PAPPA: variants seen among roughly 807,000 people sequenced by gnomAD.
PAPPA encodes pappalysin-1.
PAPPA carries 60 observed loss-of-function variants against 164.0 expected under a neutral mutation model. The ratio of observed to expected loss-of-function variants is 0.37; its 90% confidence interval spans 0.30 to 0.45. The LOEUF is 0.45. Ranked by LOEUF, PAPPA falls within the 20% of genes least tolerant of loss-of-function variation. PAPPA has a pLI of 1.00. For synonymous variants in PAPPA, 875 were observed against 814.1 expected, an observed-to-expected ratio of 1.07 and a Z score of -1.27; for missense variants, 1,782 against 2,087.3, an observed-to-expected ratio of 0.85 and a Z score of 2.85.
Position 116,314,328 on chromosome 9 carries a change from C to G in PAPPA, c.3147+11378C>G, listed in dbSNP as rs547966899. ...TCGTGATCCACCTGCCTCAGCCTCC[C>G]AAAGTGCTGGGATTACAGGTGTGAG... On this transcript the variant is annotated intron_variant, in intron 10 of 21. Coordinates refer to ENST00000328252, the MANE Select transcript of PAPPA (RefSeq NM_002581.5). Among the ~76,000 whole-genome samples the G allele has an allele frequency of 4.9e-4, 75 of 152,146 alleles. 1 individual carries two copies. In the South Asian group the frequency reaches 0.013, roughly 26 times the overall value.
chr9:116,270,313 C>T (rs1845121739), intron 8 of PAPPA, among the ~76,000 whole-genome samples: 1 of 152,202 alleles, frequency 6.6e-6, no homozygotes, highest in African/African-American at 2.4e-5. Context: ...ATGGATTTTT[C>T]TGCAATGATG....
At position 116,213,996 on chromosome 9, in the gene PAPPA, C is replaced by T. The variant is rs370826765; in HGVS notation, c.1918+2064C>T. 6.6e-5 allele frequency among the ~76,000 whole-genome samples: 10 copies of T among 152,254 alleles called. No homozygotes were observed. In the East Asian group the frequency reaches 9.7e-4, roughly 15 times the overall value. ...AGACATTGCTGGGTCAACTTCTTCT[C>T]GTTGCTTTATCTTCCTGGGTGCTTC... is the stretch of plus-strand genomic sequence containing the variant. On this transcript the variant is annotated intron_variant, in intron 4 of 21. Transcript: ENST00000328252.
At chr9:116,321,031 T>C in intron 10 of PAPPA, among the ~76,000 whole-genome samples, 1 of 138,908 alleles carries the variant, frequency 7.2e-6, no homozygotes, top group Admixed American at 7.1e-5. Context: ...TTGTTATACA[T>C]TTTTTTTTTT....
chr9:116,248,681 A>G (rs759337765), intron 7 of PAPPA, among the ~76,000 whole-genome samples: 6 of 152,120 alleles, frequency 3.9e-5, no homozygotes, highest in Non-Finnish European at 7.3e-5. Context: ...TGACACTGAG[A>G]TATTAGAGGT....
chr9:116,255,913 G>A lies in PAPPA; in HGVS notation c.2733-9944G>A, dbSNP rs546234222. Among the ~76,000 whole-genome samples, 40 of 151,524 alleles carry A rather than the reference G, an allele frequency of 2.6e-4. No homozygotes were observed. In the South Asian group the frequency reaches 8.0e-3, roughly 30 times the overall value. On this transcript the variant is annotated intron_variant, in intron 7 of 21. Coordinates refer to ENST00000328252, the MANE Select transcript of PAPPA (RefSeq NM_002581.5). Reference sequence around the variant, plus strand: ...ACTATCTTTGCCTAGGATCTAAGTGGAAATTTATAACCATTGTCTTATACC... The same window carrying A: ...ACTATCTTTGCCTAGGATCTAAGTGAAAATTTATAACCATTGTCTTATACC...
In PAPPA at chr9:116,235,293, G is replaced by C. The variant is rs376845144; in HGVS notation, c.2388G>C (p.Leu796=). ...TCTACCCCTTGGTCCCTGAGTCTCT[G>C]ACCATTTGGGTGACCTTTGTCTCCA... ...EFLYPLVPES[L]TIWVTFVSTD... is the part of the protein sequence containing the mutation. The change falls in exon 7 of 22, where the codon CTG becomes CTC. Residue 796 remains leucine, a synonymous_variant. Transcript: ENST00000328252. 83 of 1,614,098 alleles carry C rather than the reference G, an allele frequency of 5.1e-5. No homozygotes were observed. In the African/African-American group the frequency reaches 1.1e-3, roughly 20 times the overall value.
In PAPPA at chr9:116,398,677, T is replaced by C. The variant is rs755039680; in HGVS notation, c.*2061T>C. On this transcript the variant is annotated 3_prime_UTR_variant, in exon 22 of 22. Coordinates refer to ENST00000328252, the MANE Select transcript of PAPPA (RefSeq NM_002581.5). ...ACGGATGCAGTGCTGAGATAGTTTA[T>C]GAGACTTGTACCATTTCACAAACTC... The C allele has an allele frequency of 1.7e-5, 9 of 523,576 alleles. No individual in the cohort carries two copies. Among genetic ancestry groups the C allele is most frequent in the Non-Finnish European group, 2.4e-5 (7 of 288,690 alleles). 32.4% of individuals were successfully genotyped at this position (523,576 alleles called of 1,614,324 possible).
chr9:116,220,959 T>A (rs551379253), intron 5 of PAPPA, among the ~76,000 whole-genome samples: 1 of 140,104 alleles, frequency 7.1e-6, no homozygotes, highest in African/African-American at 2.7e-5. Context: ...GTTTTTTTTT[T>A]TTATTTTGTA....
chr9:116,267,044 A>G (rs1329095977), intron 8 of PAPPA, among the ~76,000 whole-genome samples: 1 of 152,198 alleles, frequency 6.6e-6, no homozygotes, highest in Non-Finnish European at 1.5e-5. Flanking sequence ...TGCAATTACT[A>G]TTTCTATAAG....
At chr9:116,334,186 C>T (rs1399592571) in intron 12 of PAPPA, among the ~76,000 whole-genome samples, 2 of 150,074 alleles carry the variant, frequency 1.3e-5, no homozygotes, top group African/African-American at 4.9e-5. Flanking sequence ...TGTATCTTTT[C>T]TCCCTGGCCC....
chr9:116,352,987 A>G, intron 16 of PAPPA, 71 bp downstream of exon 16: 1 of 1,102,664 alleles, frequency 9.1e-7, no homozygotes, highest in Non-Finnish European at 1.4e-6. Context: ...GCCTGACTGG[A>G]CGGAAGCACT....
intron 10 of PAPPA, among the ~76,000 whole-genome samples, chr9:116,327,458 G>A (rs1308484459): frequency 6.6e-6 from 1 of 152,120 alleles, no homozygotes; most frequent in Non-Finnish European, 1.5e-5. Flanking sequence ...TAGGGGTGAT[G>A]GTAGGGAGAG....
At chr9:116,374,193 G>A (rs1846618901) in intron 19 of PAPPA, among the ~76,000 whole-genome samples, 1 of 112,186 alleles carries the variant, frequency 8.9e-6, no homozygotes, top group Admixed American at 1.1e-4. Context: ...TGGTGGTGAT[G>A]ATGATGGTGG....
At chr9:116,184,590 G>A (rs1052082502) in intron 1 of PAPPA, among the ~76,000 whole-genome samples, 6 of 152,152 alleles carry the variant, frequency 3.9e-5, no homozygotes, top group African/African-American at 1.4e-4. Context: ...TGTCTTTTAA[G>A]TATGACAATA....
At chr9:116,258,143 A>G (rs1318709916) in intron 7 of PAPPA, among the ~76,000 whole-genome samples, 1 of 152,070 alleles carries the variant, frequency 6.6e-6, no homozygotes, top group Non-Finnish European at 1.5e-5. Flanking sequence ...TATCATAAAA[A>G]TGCCCTTTCT....
intron 10 of PAPPA, 108 bp downstream of exon 10, chr9:116,303,058 G>A (rs1845599543): frequency 1.3e-6 from 1 of 794,958 alleles, no homozygotes; most frequent in Non-Finnish European, 2.0e-6. Flanking sequence ...AGCCACTTGA[G>A]CATATCTTTA....
chr9:116,258,964 T>C (rs1183385108), intron 7 of PAPPA, among the ~76,000 whole-genome samples: 1 of 151,716 alleles, frequency 6.6e-6, no homozygotes, highest in Non-Finnish European at 1.5e-5. Flanking sequence ...TAAAACCCCA[T>C]CTCTACTAAA....
In PAPPA at chr9:116,400,747, A is replaced by C. The variant is rs996534962; in HGVS notation, c.*4131A>C. Reference sequence around the variant, plus strand: ...TCTTGTAACTTATTCAACTTTTGCCAAATTCCTACCAATCACTTGCTTTTT... The same window carrying C: ...TCTTGTAACTTATTCAACTTTTGCCCAATTCCTACCAATCACTTGCTTTTT... On this transcript the variant is annotated 3_prime_UTR_variant, in exon 22 of 22. Coordinates refer to ENST00000328252, the MANE Select transcript of PAPPA (RefSeq NM_002581.5). 9.2e-5 allele frequency: 14 copies of C among 152,500 alleles called. No homozygotes were observed. The highest frequency in any genetic ancestry group is 2.9e-4 in the African/African-American group (12 of 41,586). 9.4% of individuals were successfully genotyped at this position (152,500 alleles called of 1,614,324 possible).
chr9:116,303,786 T>G (rs1369406625), intron 10 of PAPPA, among the ~76,000 whole-genome samples: 1 of 152,184 alleles, frequency 6.6e-6, no homozygotes, highest in East Asian at 1.9e-4. Flanking sequence ...TTTAGTCGGG[T>G]AGCCCTGGCT....
Sources: allele counts gnomAD v4.1 joint callset (sites outside exome capture counted in the v4.1 genomes callset), GRCh38; gene constraint gnomAD v4.1.1; transcripts MANE v1.5; gene names NCBI Gene and HGNC (gene_info 2026-07-23, HGNC 2026-07-21).